The following PHTF2 variants were observed in gnomAD, a reference collection of about 807,000 sequenced individuals.
PHTF2 encodes the protein putative homeodomain transcription factor 2, also known as protein PHTF2.
In PHTF2, 60 loss-of-function variants were observed where a neutral mutation model predicts 101.2. That is an observed-to-expected ratio of 0.59 (90% CI 0.48 to 0.73). The LOEUF is 0.73. PHTF2 is among the 30% of genes least tolerant of loss of function. The pLI, the probability that PHTF2 is intolerant of heterozygous loss-of-function variation, is 0.00. For synonymous variants in PHTF2, 311 were observed against 307.3 expected (o/e 1.01, Z -0.13); for missense variants, 747 against 908.7 (o/e 0.82, Z 2.29).
chr7:77,937,786 G>T, exon 13 of PHTF2: 1 of 1,545,416 alleles, frequency 6.5e-7, no homozygotes, highest in African/African-American at 1.4e-5. Context: ...GGTAATGATT[G>T]TAAGAAAGCA....
At chr7:77,913,682 C>G (rs913274098) in intron 9 of PHTF2, among the ~76,000 whole-genome samples, 5 of 152,092 alleles carry the variant, frequency 3.3e-5, no homozygotes, top group Non-Finnish European at 5.9e-5. Context: ...CTCGTGGGCT[C>G]AAGCAATTCT....
At chr7:77,924,025 A>G (rs1056541150) in intron 11 of PHTF2, 6 of 911,506 alleles carry the variant, frequency 6.6e-6, no homozygotes, top group African/African-American at 1.8e-5. Flanking sequence ...AAATATGGCT[A>G]TAAAATTCTT....
At chr7:77,916,278 A>G (rs117896284) in intron 9 of PHTF2, among the ~76,000 whole-genome samples, 3,359 of 152,206 alleles carry the variant, frequency 0.022, 51 homozygotes, top group Middle Eastern at 0.068. Flanking sequence ...CCTTTACTGT[A>G]TTTTTATTCC....
intron 5 of PHTF2, among the ~76,000 whole-genome samples, chr7:77,896,860 A>G (rs556966718): frequency 1.3e-5 from 2 of 152,324 alleles, no homozygotes; most frequent in African/African-American, 4.8e-5. Context: ...TTAGTTGTCA[A>G]AGCAGTGAGC....
chr7:77,856,325 T>A (rs1797178741), intron 3 of PHTF2, among the ~76,000 whole-genome samples: 1 of 152,164 alleles, frequency 6.6e-6, no homozygotes. Flanking sequence ...CAACTGTGAA[T>A]CAAAAATAAA....
chr7:77,799,643 A>G (rs1792375608), intron 1 of PHTF2, among the ~76,000 whole-genome samples: 2 of 152,200 alleles, frequency 1.3e-5, no homozygotes, highest in South Asian at 4.1e-4. Context: ...CAGTGTTGAC[A>G]GCCAGCATTC....
At chr7:77,886,504 T>G (rs1446581091) in intron 3 of PHTF2, among the ~76,000 whole-genome samples, 1 of 152,152 alleles carries the variant, frequency 6.6e-6, no homozygotes, top group Non-Finnish European at 1.5e-5. Context: ...CCCCTTTCCC[T>G]TTTCTTCCTG....
chr7:77,918,975 C>A (rs1368988602), intron 9 of PHTF2, among the ~76,000 whole-genome samples: 1 of 152,118 alleles, frequency 6.6e-6, no homozygotes, highest in African/African-American at 2.4e-5. Flanking sequence ...AGGAAAGGGG[C>A]CTGTTTGCAT....
intron 3 of PHTF2, among the ~76,000 whole-genome samples, chr7:77,859,833 C>T (rs1490845232): frequency 1.3e-5 from 2 of 152,140 alleles, no homozygotes; most frequent in Admixed American, 1.3e-4. Flanking sequence ...CTTTGGCCTC[C>T]CAAAGTGCTG....
intron 11 of PHTF2, 54 bp from the exon 11 acceptor site, chr7:77,929,055 G>T: frequency 3.8e-6 from 5 of 1,308,758 alleles, no homozygotes; most frequent in South Asian, 1.3e-5. Flanking sequence ...AGTATCCTTT[G>T]AGTTGGAAAG....
In PHTF2 at chr7:77,913,593, C is replaced by T. The variant is rs886618303; in HGVS notation, c.776+3184C>T. On this transcript the variant is annotated intron_variant, in intron 9 of 19. Transcript: ENST00000416283. Reference sequence around the variant, plus strand: ...GTTTTCTTTCATGTCCTCTAAGATTCATTTCACCGTGACAATATCACTGAA... The same window carrying T: ...GTTTTCTTTCATGTCCTCTAAGATTTATTTCACCGTGACAATATCACTGAA... 3.3e-5 allele frequency among the ~76,000 whole-genome samples: 5 copies of T among 152,162 alleles called. 1 individual carries two copies. Among genetic ancestry groups the T allele is most frequent in the Admixed American group, 3.3e-4 (5 of 15,278 alleles).
intron 2 of PHTF2, among the ~76,000 whole-genome samples, chr7:77,849,238 C>G (rs1039022932): frequency 1.3e-5 from 2 of 151,996 alleles, no homozygotes; most frequent in Non-Finnish European, 2.9e-5. Context: ...ATTCTCCTGC[C>G]TCAGCCTCCA....
rs569706563 is a variant in PHTF2 at position 77,872,789 on chromosome 7, T to A, written c.147+17955T>A. On this transcript the variant is annotated intron_variant, in intron 3 of 19. Coordinates refer to ENST00000416283, the Ensembl canonical transcript of PHTF2. ...GGGAGGTCAGTAGGTCTAAAGTGAC[T>A]AATCCGCTCCACCATCCCAGTCTCC... Among the ~76,000 whole-genome samples the A allele has an allele frequency of 1.4e-4, 21 of 152,292 alleles. 1 individual carries two copies. The South Asian group carries it at 4.1e-3, about 30-fold the overall frequency.
intron 3 of PHTF2, among the ~76,000 whole-genome samples, chr7:77,881,805 T>G (rs1562908502): frequency 6.6e-6 from 1 of 152,232 alleles, no homozygotes; most frequent in Non-Finnish European, 1.5e-5. Context: ...AGTTTCCTAC[T>G]CTTGTACATT....
chr7:77,859,656 C>T (rs189944186), intron 3 of PHTF2, among the ~76,000 whole-genome samples: 5 of 151,736 alleles, frequency 3.3e-5, no homozygotes, highest in Non-Finnish European at 7.4e-5. Flanking sequence ...CGCAACCTCC[C>T]AGGCCTAAGC....
chr7:77,880,258 CG>C (rs1799298081), intron 3 of PHTF2, among the ~76,000 whole-genome samples: 1 of 152,124 alleles, frequency 6.6e-6, no homozygotes, highest in Admixed American at 6.5e-5. Flanking sequence ...AAATAGCATT[CG>C]TTAAGTTGTC....
chr7:77,944,016 T>C (rs551539709), intron 16 of PHTF2, among the ~76,000 whole-genome samples: 1 of 144,214 alleles, frequency 6.9e-6, no homozygotes, highest in Non-Finnish European at 1.5e-5. Flanking sequence ...AACAAACAAA[T>C]AAAAAAAAAA....
At chr7:77,919,856 T>G (rs900684848) in intron 9 of PHTF2, among the ~76,000 whole-genome samples, 1 of 152,204 alleles carries the variant, frequency 6.6e-6, no homozygotes, top group South Asian at 2.1e-4. Context: ...TAAAATGAGT[T>G]GTATACTAAA....
At chr7:77,926,845 T>C (rs978776998) in intron 11 of PHTF2, among the ~76,000 whole-genome samples, 2 of 149,986 alleles carry the variant, frequency 1.3e-5, no homozygotes, top group African/African-American at 4.9e-5. Flanking sequence ...GGCATGGTGG[T>C]ACACGCATGT....
Sources: allele counts gnomAD v4.1 joint callset (sites outside exome capture counted in the v4.1 genomes callset), GRCh38; gene constraint gnomAD v4.1.1; transcripts MANE v1.5; gene names NCBI Gene and HGNC (gene_info 2026-07-23, HGNC 2026-07-21).